Variants in SCNN1B observed in about 807,000 individuals in gnomAD.
SCNN1B encodes the protein epithelial sodium channel subunit beta.
SCNN1B carries 46 observed loss-of-function variants against 65.3 expected under a neutral mutation model. That is an observed-to-expected ratio of 0.70 (90% CI 0.56 to 0.90). SCNN1B has a LOEUF of 0.90. Ranked by LOEUF, SCNN1B falls within the 40% of genes least tolerant of loss-of-function variation. The pLI, the probability that SCNN1B is intolerant of heterozygous loss-of-function variation, is 0.00. For synonymous variants in SCNN1B, 349 were observed against 330.6 expected, an observed-to-expected ratio of 1.06 and a Z score of -0.60; for missense variants, 751 against 830.5, an observed-to-expected ratio of 0.90 and a Z score of 1.18.
intron 1 of SCNN1B, chr16:23,323,517 T>C (rs1326384621): frequency 1.4e-6 from 1 of 702,902 alleles, no homozygotes; most frequent in Non-Finnish European, 2.6e-6. Flanking sequence ...TCACATCAAC[T>C]CAATGAACTC....
chr16:23,378,850 C>A, intron 11 of SCNN1B, 83 bp downstream of exon 11: 1 of 1,263,510 alleles, frequency 7.9e-7, no homozygotes, highest in Non-Finnish European at 1.2e-6. Flanking sequence ...CAGGACAGCT[C>A]CTCAGACACA....
intron 7 of SCNN1B, among the ~76,000 whole-genome samples, chr16:23,372,410 T>C (rs1962803632): frequency 6.6e-6 from 1 of 152,068 alleles, no homozygotes; most frequent in South Asian, 2.1e-4. Context: ...AAGATGTAGA[T>C]ACTATTATCA....
chr16:23,337,374 CTTTTTTTTT>C (rs11455298), intron 1 of SCNN1B, among the ~76,000 whole-genome samples: 2 of 134,110 alleles, frequency 1.5e-5, no homozygotes, highest in African/African-American at 5.6e-5. Flanking sequence ...CTCTTTCTTT[CTTTTTTTTT>C]TTTTTTTGAG....
At chr16:23,372,773 T>G (rs1962811763) in intron 7 of SCNN1B, among the ~76,000 whole-genome samples, 1 of 149,234 alleles carries the variant, frequency 6.7e-6, no homozygotes, top group Admixed American at 6.8e-5. Context: ...ATAACAGGCA[T>G]GAGCCACCGC....
At chr16:23,358,859 G>A (rs1962474776) in intron 4 of SCNN1B, among the ~76,000 whole-genome samples, 1 of 152,200 alleles carries the variant, frequency 6.6e-6, no homozygotes, top group African/African-American at 2.4e-5. Context: ...GTGAGCCGAG[G>A]TTGTGCCACT....
chr16:23,370,951 C>T (rs543590653), intron 5 of SCNN1B, among the ~76,000 whole-genome samples: 4 of 152,276 alleles, frequency 2.6e-5, no homozygotes, highest in African/African-American at 7.2e-5. Context: ...TGCAGAAGCT[C>T]GGAGGCATTG....
intron 1 of SCNN1B, among the ~76,000 whole-genome samples, chr16:23,341,718 A>T (rs551639920): frequency 5.3e-5 from 8 of 152,368 alleles, no homozygotes; most frequent in African/African-American, 1.9e-4. Context: ...ATATAAGCCT[A>T]TGAGAAGAAG....
At chr16:23,307,085 T>G (rs552666308) in intron 1 of SCNN1B, among the ~76,000 whole-genome samples, 7 of 152,130 alleles carry the variant, frequency 4.6e-5, no homozygotes, top group Admixed American at 3.3e-4. Context: ...CAGCTGGAGT[T>G]GGACACCAAA....
At chr16:23,297,035 A>G (rs1961007999) in intron 2 of SCNN1B, among the ~76,000 whole-genome samples, 1 of 151,456 alleles carries the variant, frequency 6.6e-6, no homozygotes, top group South Asian at 2.1e-4. Flanking sequence ...ATTGAAGATC[A>G]GGGATCTGCC....
intron 1 of SCNN1B, among the ~76,000 whole-genome samples, chr16:23,312,779 C>T (rs1005632043): frequency 1.3e-5 from 2 of 152,106 alleles, no homozygotes; most frequent in South Asian, 2.1e-4. Context: ...TCACCTCCCC[C>T]GATCCCTTGG....
At chr16:23,339,425 A>T (rs769759873) in intron 1 of SCNN1B, among the ~76,000 whole-genome samples, 51 of 151,376 alleles carry the variant, frequency 3.4e-4, no homozygotes, top group Non-Finnish European at 5.2e-4. Flanking sequence ...TTTTTTTTTT[A>T]AATATAGAGA....
chr16:23,378,618 C>A, intron 10 of SCNN1B, 88 bp from the exon 11 acceptor site: 1 of 1,215,708 alleles, frequency 8.2e-7, no homozygotes, highest in Non-Finnish European at 1.2e-6. Flanking sequence ...AGGGACAGGG[C>A]TGTGGTCTAC....
At chr16:23,371,582 C>A (rs1167603964) in intron 6 of SCNN1B, 120 bp downstream of exon 6, 5 of 1,189,894 alleles carry the variant, frequency 4.2e-6, no homozygotes, top group East Asian at 2.5e-5. Flanking sequence ...GGCCTTCCTT[C>A]CTTTTGGCTG....
Position 23,371,897 on chromosome 16 carries a change from G to A in SCNN1B, c.1152+14G>A. On this transcript the variant is annotated intron_variant, in intron 7 of 12. Transcript: ENST00000343070. ...TACTCCATCCAGGTGGGAAGGTGGT[G>A]CACGCCTCATGCCCCGGGGCCCCTG... 6 of 1,588,738 alleles carry A rather than the reference G, an allele frequency of 3.8e-6. No homozygotes were observed. The highest frequency in any genetic ancestry group is 1.1e-5 in the South Asian group (1 of 90,592).
intron 4 of SCNN1B, among the ~76,000 whole-genome samples, chr16:23,366,811 A>G (rs191313205): frequency 1.1e-3 from 173 of 152,342 alleles, no homozygotes; most frequent in African/African-American, 3.9e-3. Flanking sequence ...GGCATAAGCC[A>G]CCGCTCCCAA....
chr16:23,299,059 C>CTTT (rs552336545), upstream of SCNN1B, among the ~76,000 whole-genome samples: 18 of 130,552 alleles, frequency 1.4e-4, no homozygotes, highest in African/African-American at 4.4e-4. Flanking sequence ...TTTTCTTTTT[C>CTTT]TTTTTTTTTT....
chr16:23,318,052 G>T (rs34624970), intron 1 of SCNN1B, among the ~76,000 whole-genome samples: 13,040 of 152,218 alleles, frequency 0.086, 1,906 homozygotes, highest in African/African-American at 0.3. Context: ...CCAATCAAGA[G>T]GCAAACGGCC....
intron 1 of SCNN1B, among the ~76,000 whole-genome samples, chr16:23,307,295 CT>C (rs761118487): frequency 1.6e-3 from 183 of 113,302 alleles, no homozygotes; most frequent in Middle Eastern, 4.8e-3. Flanking sequence ...GCCTGTGCTC[CT>C]TTTTTTTTTT....
intron 1 of SCNN1B, among the ~76,000 whole-genome samples, chr16:23,341,542 T>C (rs1364217922): frequency 2.6e-5 from 4 of 151,860 alleles, no homozygotes; most frequent in Non-Finnish European, 5.9e-5. Flanking sequence ...GGAAAGACAA[T>C]GTTTGCAAGT....
Sources: allele counts gnomAD v4.1 joint callset (sites outside exome capture counted in the v4.1 genomes callset), GRCh38; gene constraint gnomAD v4.1.1; transcripts MANE v1.5; gene names NCBI Gene and HGNC (gene_info 2026-07-23, HGNC 2026-07-21).